The following MYO7A variants were observed in gnomAD, a reference collection of about 807,000 sequenced individuals.
The protein encoded by MYO7A is unconventional myosin-VIIa.
A neutral mutation model predicts 263.8 loss-of-function variants in MYO7A; 210 were observed. The ratio of observed to expected loss-of-function variants is 0.80; its 90% CI spans 0.71 to 0.89. MYO7A has a LOEUF of 0.89. Among genes scored for constraint, MYO7A ranks in the 40% least tolerant of loss-of-function variants. MYO7A has a pLI of 0.00. For missense variants in MYO7A, 2,820 were observed against 2,968.3 expected (o/e 0.95, Z 1.16); for synonymous variants, 1,239 against 1,197.3 (o/e 1.03, Z -0.72).
At chr11:77,212,432 G>A in intron 46 of MYO7A, 1 of 350,782 alleles carries the variant, frequency 2.9e-6, no homozygotes, top group South Asian at 2.2e-5. Flanking sequence ...CAGCAGCTTG[G>A]CAAGCAGGTG....
intron 39 of MYO7A, 119 bp downstream of exon 39, chr11:77,204,348 G>A (rs1401722454): frequency 3.8e-5 from 53 of 1,377,348 alleles, no homozygotes; most frequent in Non-Finnish European, 4.7e-5. Context: ...ACACAGAGCC[G>A]GGAGCTGCTC....
chr11:77,159,355 G>T, intron 9 of MYO7A, 92 bp from the exon 10 acceptor site: 1 of 1,190,956 alleles, frequency 8.4e-7, no homozygotes, highest in Non-Finnish European at 1.2e-6. Flanking sequence ...GACCCCGGCA[G>T]CAGGAGTGGC....
chr11:77,208,240 C>T (rs1194990271), intron 42 of MYO7A, among the ~76,000 whole-genome samples, 190 bp from the exon 43 acceptor site: 1 of 152,192 alleles, frequency 6.6e-6, no homozygotes, highest in African/African-American at 2.4e-5. Flanking sequence ...TCGCTCCCGG[C>T]AAGAAGTGGG....
At position 77,159,513 on chromosome 11, in the gene MYO7A, C is replaced by T. The variant is rs973301416; in HGVS notation, c.1070C>T (p.Ser357Phe). 1 of 1,612,016 alleles carries T rather than the reference C, an allele frequency of 6.2e-7. No individual in the cohort carries two copies. The highest frequency in any genetic ancestry group is 8.5e-7 in the Non-Finnish European group (1 of 1,178,936). ...LFSPSLATAA[S>F]LLEVNPPDLM... is the part of the protein sequence containing the mutation. ...TCCCCATCGCTGGCCACAGCTGCAT[C>T]CCTGCTTGAGGTCAGTGCCTGGCCT... Residue 357 changes from serine to phenylalanine, a missense_variant, in exon 10 of 49, where the codon TCC becomes TTC. By Grantham distance (155) the Ser-to-Phe change is radical (BLOSUM62 -2). Coordinates refer to ENST00000409709, the MANE Select transcript of MYO7A (RefSeq NM_000260.4).
In MYO7A at chr11:77,194,266, A is replaced by C. The variant is rs114074938; in HGVS notation, c.4153-88A>C. The C allele has an allele frequency of 7.1e-4, 1,039 of 1,458,796 alleles. 6 individuals are homozygous for C. In the African/African-American group the frequency reaches 0.013, roughly 19 times the overall value. The allele number at this position is 1,458,796 out of a possible 1,614,324, so 90.4% of individuals were successfully genotyped here. On this transcript the variant is annotated intron_variant, in intron 31 of 48. Coordinates refer to ENST00000409709, the MANE Select transcript of MYO7A (RefSeq NM_000260.4). ...TCTGAGAGCTACAGGAGGCAGGGCC[A>C]GGAGAGGGGCCTGGAGCCTTTGGTG...
At chr11:77,142,238 T>C (rs1555051012) in intron 2 of MYO7A, among the ~76,000 whole-genome samples, 1 of 152,178 alleles carries the variant, frequency 6.6e-6, no homozygotes, top group East Asian at 1.9e-4. Flanking sequence ...CGGAGTGGTG[T>C]CCCTGTGAGG....
chr11:77,147,090 T>A (rs1951626330), intron 3 of MYO7A, among the ~76,000 whole-genome samples: 1 of 151,978 alleles, frequency 6.6e-6, no homozygotes, highest in Non-Finnish European at 1.5e-5. Flanking sequence ...CCAGGAAATA[T>A]CTCCTGGGTG....
Position 77,156,673 on chromosome 11 carries a change from G to A in MYO7A, c.484G>A (p.Ala162Thr), listed in dbSNP as rs111033485. The stretch of plus-strand genomic sequence containing the variant: ...CTCCCTCTGCAGTGGGGAATCTGGG[G>A]CCGGGAAGACGGAGAGCACAAAGCT... ...QCCIISGESG[A>T]GKTESTKLIL... is the part of the protein sequence containing the mutation. Residue 162 changes from alanine to threonine, a missense_variant, in exon 6 of 49, where the codon GCC becomes ACC. Ala to Thr is a moderately conservative substitution (Grantham distance 58, BLOSUM62 0). Transcript: ENST00000409709. 9 of 1,613,816 alleles carry A rather than the reference G, an allele frequency of 5.6e-6. No homozygotes were observed. The highest frequency in any genetic ancestry group is 1.7e-4 in the Middle Eastern group (1 of 6,048).
At position 77,182,062 on chromosome 11, in the gene MYO7A, G is replaced by T; in HGVS notation, c.3016G>T (p.Ala1006Ser). ...LSEYKFAKFAATYFQGTTTHS... is the reference protein window; with the variant it reads ...LSEYKFAKFASTYFQGTTTHS... ...TGAGTATAAATTTGCCAAGTTCGCG[G>T]CCACCTACTTCCAGGGGACAACCAC... The change falls in exon 24 of 49, where the codon GCC becomes TCC. Residue 1006 changes from alanine (A) to serine (S), a missense_variant. Transcript: ENST00000409709. 6.2e-7 allele frequency: 1 copy of T among 1,613,376 alleles called. No homozygotes were observed.
At chr11:77,143,601 G>A (rs1280181164) in intron 3 of MYO7A, among the ~76,000 whole-genome samples, 4 of 152,212 alleles carry the variant, frequency 2.6e-5, no homozygotes, top group East Asian at 1.9e-4. Flanking sequence ...CTGAGCATGC[G>A]TGCACATGTG....
intron 19 of MYO7A, 145 bp downstream of exon 19, chr11:77,177,788 C>T (rs1954769111): frequency 4.6e-6 from 3 of 653,122 alleles, no homozygotes; most frequent in South Asian, 1.8e-5. Context: ...ATGGCATGCA[C>T]ACATGATCAT....
At chr11:77,213,076 G>A in intron 47 of MYO7A, 41 bp downstream of exon 47, 6 of 1,505,616 alleles carry the variant, frequency 4.0e-6, no homozygotes, top group Non-Finnish European at 5.4e-6. Flanking sequence ...GGGCTTCTCT[G>A]CCTGAACCAC....
intron 15 of MYO7A, among the ~76,000 whole-genome samples, chr11:77,167,192 ATTTC>A (rs1279166671): frequency 6.6e-6 from 1 of 152,018 alleles, no homozygotes; most frequent in African/African-American, 2.4e-5. Flanking sequence ...TGCTGCAGGC[ATTTC>A]TTTCTTCAAG....
At chr11:77,157,439 T>C (rs782619808) in intron 8 of MYO7A, 47 bp downstream of exon 8, 18 of 1,349,054 alleles carry the variant, frequency 1.3e-5, no homozygotes, top group Non-Finnish European at 1.9e-5. Flanking sequence ...CACCCTAGGA[T>C]TGTAGGGAGC....
rs73497662 is a variant in MYO7A at position 77,212,261 on chromosome 11, G to A, written c.6354+324G>A. On this transcript the variant is annotated intron_variant, in intron 46 of 48. Coordinates refer to ENST00000409709, the MANE Select transcript of MYO7A (RefSeq NM_000260.4). The stretch of plus-strand genomic sequence containing the variant: ...CGGGAGGCTCTGCCGGGTGTGAGAA[G>A]GCCTCTTAGAGGAGGTGATATCTGA... 1,565 of 486,550 alleles carry A rather than the reference G, an allele frequency of 3.2e-3. 28 individuals are homozygous for A. The highest frequency in any genetic ancestry group is 0.027 in the African/African-American group (1,411 of 51,498). The allele number at this position is 486,550 out of a possible 1,614,324, so 30.1% of individuals were successfully genotyped here. A position where few individuals can be genotyped will look rare whatever the true frequency, so the allele number is the denominator to read the frequency against.
intron 30 of MYO7A, 118 bp downstream of exon 30, chr11:77,190,988 C>G: frequency 8.4e-7 from 1 of 1,191,472 alleles, no homozygotes; most frequent in Non-Finnish European, 1.2e-6. Context: ...CGGTTTCCCC[C>G]TGAGCCTGTG....
intron 31 of MYO7A, chr11:77,193,960 T>C (rs1248968162): frequency 2.1e-6 from 1 of 467,662 alleles, no homozygotes; most frequent in Non-Finnish European, 4.3e-6. Context: ...CAGCAGACCC[T>C]AGGTGTCTCC....
At chr11:77,160,373 G>GTA (rs1952882643) in intron 11 of MYO7A, 91 bp downstream of exon 11, 1 of 1,479,576 alleles carries the variant, frequency 6.8e-7, no homozygotes, top group Middle Eastern at 1.8e-4. Context: ...TGGGAGGTGG[G>GTA]TAGACATCTG....
At chr11:77,130,766 A>G in intron 2 of MYO7A, 114 bp downstream of exon 2, 1 of 1,245,100 alleles carries the variant, frequency 8.0e-7, no homozygotes, top group Non-Finnish European at 1.1e-6. Flanking sequence ...ATTCCTGCCT[A>G]GGCTTCCAAA....
Sources: gnomAD v4.1 joint callset for allele counts (sites outside exome capture counted in the v4.1 genomes callset) on GRCh38, gnomAD v4.1.1 for gene constraint, MANE v1.5 for transcripts, NCBI Gene and HGNC (gene_info 2026-07-23, HGNC 2026-07-21) for gene names.